The following PHKG1 variants were observed in gnomAD, a reference collection of about 807,000 sequenced individuals.
The protein encoded by PHKG1 is phosphorylase kinase catalytic subunit gamma 1.
In PHKG1, 48 loss-of-function variants were observed where a neutral mutation model predicts 50.5. The ratio of observed to expected loss-of-function variants is 0.95; its 90% confidence interval spans 0.75 to 1.21. PHKG1 has a LOEUF of 1.21. Ranked by LOEUF, PHKG1 falls within the 50% of genes most tolerant of loss-of-function variation. PHKG1 has a pLI of 0.00. For synonymous variants in PHKG1, 204 were observed against 212.8 expected (o/e 0.96, Z 0.36); for missense variants, 487 against 519.5 (o/e 0.94, Z 0.61).
chr7:56,081,425 T>C lies in PHKG1; in HGVS notation c.919-126A>G. ...GGTGGCTTCTGCGGGGCCTTCCTAGTGTCCCCCACTTCCCACTTGGCCAGC... is the reference window on the plus strand; with the variant it reads ...GGTGGCTTCTGCGGGGCCTTCCTAGCGTCCCCCACTTCCCACTTGGCCAGC... On this transcript the variant is annotated intron_variant, in intron 9 of 9. Coordinates refer to ENST00000297373, the MANE Select transcript of PHKG1 (RefSeq NM_006213.5). The surrounding 1 kb of genome is among the most constrained non-coding windows in gnomAD (Gnocchi z 4.6). 2 of 1,313,742 alleles carry C rather than the reference T, an allele frequency of 1.5e-6. No individual in the cohort carries two copies. The highest frequency in any genetic ancestry group is 2.5e-5 in the East Asian group (1 of 40,752). The allele number at this position is 1,313,742 out of a possible 1,614,324, so 81.4% of individuals were successfully genotyped here. A position where few individuals can be genotyped will look rare whatever the true frequency, so the allele number is the denominator to read the frequency against.
chr7:56,090,656 C>T (rs988153038), intron 1 of PHKG1, among the ~76,000 whole-genome samples: 1 of 152,188 alleles, frequency 6.6e-6, no homozygotes, highest in African/African-American at 2.4e-5. Context: ...CTCTGCCCCC[C>T]ATACCCAGTG....
intron 1 of PHKG1, among the ~76,000 whole-genome samples, chr7:56,092,187 C>T (rs1796515058): frequency 6.6e-6 from 1 of 152,182 alleles, no homozygotes. Flanking sequence ...CTGACTGGGG[C>T]CAACTTTGTG....
intron 1 of PHKG1, 108 bp from the exon 2 acceptor site, chr7:56,089,083 G>C (rs188415969): frequency 5.4e-4 from 321 of 597,126 alleles, no homozygotes; most frequent in African/African-American, 5.0e-3. Context: ...GCACTACACT[G>C]GCCTATAGTG....
At position 56,081,813 on chromosome 7, in the gene PHKG1, A is replaced by C; in HGVS notation, c.793-58T>G. ...CAAGGCAGGTCCCCTCCAGCATGTCAGGAAAGGCAGGGCCTCCCCGGGCAG... is the reference window on the plus strand; with the variant it reads ...CAAGGCAGGTCCCCTCCAGCATGTCCGGAAAGGCAGGGCCTCCCCGGGCAG... On this transcript the variant is annotated intron_variant, in intron 8 of 9. Coordinates refer to ENST00000297373, the MANE Select transcript of PHKG1 (RefSeq NM_006213.5). The surrounding 1 kb of genome is among the most constrained non-coding windows in gnomAD (Gnocchi z 4.6). 1 of 1,608,306 alleles carries C rather than the reference A, an allele frequency of 6.2e-7. No individual in the cohort carries two copies. The highest frequency in any genetic ancestry group is 8.5e-7 in the Non-Finnish European group (1 of 1,176,454).
Position 56,081,414 on chromosome 7 carries a change from G to T in PHKG1, c.919-115C>A. ...ACGAAGCCTTGGGTGGCTTCTGCGG[G>T]GCCTTCCTAGTGTCCCCCACTTCCC... On this transcript the variant is annotated intron_variant, in intron 9 of 9. Coordinates refer to ENST00000297373, the MANE Select transcript of PHKG1 (RefSeq NM_006213.5). The surrounding 1 kb of genome is among the most constrained non-coding windows in gnomAD (Gnocchi z 4.6). 1 of 1,380,026 alleles carries T rather than the reference G, an allele frequency of 7.2e-7. No individual in the cohort carries two copies. Among genetic ancestry groups the T allele is most frequent in the Non-Finnish European group, 9.7e-7 (1 of 1,029,658 alleles). The allele number at this position is 1,380,026 out of a possible 1,614,324, so 85.5% of individuals were successfully genotyped here.
chr7:56,082,961 C>T (rs1385747388), intron 6 of PHKG1, among the ~76,000 whole-genome samples: 1 of 152,018 alleles, frequency 6.6e-6, no homozygotes, highest in Non-Finnish European at 1.5e-5. Context: ...CAAAAATTAG[C>T]CGAGCGTTGT....
intron 4 of PHKG1, chr7:56,084,208 T>C: frequency 6.5e-7 from 1 of 1,534,632 alleles, no homozygotes; most frequent in Non-Finnish European, 8.7e-7. Context: ...CCAAGCACCA[T>C]TTCTGTTCCA....
In PHKG1 at chr7:56,084,680, C is replaced by T. The variant is rs1796179318; in HGVS notation, c.318-965G>A. On this transcript the variant is annotated intron_variant, in intron 4 of 9. Coordinates refer to ENST00000297373, the MANE Select transcript of PHKG1 (RefSeq NM_006213.5). ...GAGCCACCACGCCTGGCCGAGTATC[C>T]CGATTTTTTCCCAGGAAACAAATGG... Among the ~76,000 whole-genome samples, 4 of 151,884 alleles carry T rather than the reference C, an allele frequency of 2.6e-5. No homozygotes were observed. In the South Asian group the frequency reaches 8.3e-4, roughly 31 times the overall value.
intron 2 of PHKG1, 120 bp downstream of exon 2, chr7:56,088,739 G>C: frequency 1.5e-6 from 1 of 653,650 alleles, no homozygotes. Context: ...GTTTCTCCAA[G>C]TGAACAGCAC....
intron 2 of PHKG1, among the ~76,000 whole-genome samples, chr7:56,088,356 A>T (rs35679271): frequency 0.02 from 2,956 of 146,512 alleles, 58 homozygotes; most frequent in Admixed American, 0.052. Flanking sequence ...CCCCCTTTTT[A>T]AAAAAAAAAA....
chr7:56,087,037 T>TG lies in PHKG1; in HGVS notation c.263-14dup, dbSNP rs1562880317. ...TCCTTCAGCTGTACTGAAATGGAAATGGCTAGCTTGTCTCAAGTAGCAGGG... is the reference window on the plus strand; with the variant it reads ...TCCTTCAGCTGTACTGAAATGGAAATGGGCTAGCTTGTCTCAAGTAGCAGGG... On this transcript the variant is annotated splice_polypyrimidine_tract_variant and intron_variant, in intron 3 of 9. Transcript: ENST00000297373. 3.1e-6 allele frequency: 5 copies of TG among 1,610,968 alleles called. No homozygotes were observed. Among genetic ancestry groups the TG allele is most frequent in the Non-Finnish European group, 3.4e-6 (4 of 1,177,820 alleles).
chr7:56,090,094 T>C (rs1380843510), intron 1 of PHKG1, among the ~76,000 whole-genome samples: 2 of 151,998 alleles, frequency 1.3e-5, no homozygotes, highest in African/African-American at 4.8e-5. Context: ...CTTCCTCATG[T>C]TTTTTTGTTT....
intron 2 of PHKG1, 87 bp downstream of exon 2, chr7:56,088,772 G>T: frequency 1.2e-6 from 1 of 841,180 alleles, no homozygotes. Flanking sequence ...AGTGGCGTTA[G>T]TACTCGGGGT....
chr7:56,084,237 C>T, intron 4 of PHKG1: 2 of 1,526,548 alleles, frequency 1.3e-6, no homozygotes, highest in Middle Eastern at 1.7e-4. Flanking sequence ...GTATCAGTGT[C>T]TTCCCATCTG....
chr7:56,081,225 C>A lies in PHKG1; in HGVS notation c.993G>T (p.Glu331Asp). The A allele has an allele frequency of 6.2e-7, 1 of 1,613,764 alleles. No homozygotes were observed. Among genetic ancestry groups the A allele is most frequent in the Non-Finnish European group, 8.5e-7 (1 of 1,179,968 alleles). ...GGGCATAGGGGTCTCGGATGACGATCTCCCGGGTCACAGGCTTCACCCGGC... is the reference window on the plus strand; with the variant it reads ...GGGCATAGGGGTCTCGGATGACGATATCCCGGGTCACAGGCTTCACCCGGC... ...QYRRVKPVTREIVIRDPYALR... is the reference protein window; with the variant it reads ...QYRRVKPVTRDIVIRDPYALR... The change falls in exon 10 of 10, where the codon GAG (glutamate) becomes GAT (aspartate). Residue 331 changes from glutamate to aspartate, a missense_variant. Physicochemically the swap from Glu to Asp is conservative, Grantham distance 45. Coordinates refer to ENST00000297373, the MANE Select transcript of PHKG1 (RefSeq NM_006213.5). This position sits in a 1 kb window ranked among gnomAD's most constrained non-coding sequence, Gnocchi z 4.6.
chr7:56,084,097 G>T, intron 4 of PHKG1: 1 of 1,005,430 alleles, frequency 9.9e-7, no homozygotes, highest in South Asian at 1.4e-5. Context: ...AGGATGGCTA[G>T]AAGTGACCAG....
rs569927582 is a variant in PHKG1, at chr7:56,085,263, A to C, written c.318-1548T>G. Among the ~76,000 whole-genome samples the C allele has an allele frequency of 4.0e-5, 6 of 151,556 alleles. No individual in the cohort carries two copies. In the South Asian group the frequency reaches 1.3e-3, roughly 32 times the overall value. On this transcript the variant is annotated intron_variant, in intron 4 of 9. Transcript: ENST00000297373. Reference sequence around the variant, plus strand: ...GGGGTGAACCACCATGCCTGGCCTTAATTTTATATTTTTTTGTAGAGATGG... The same window carrying C: ...GGGGTGAACCACCATGCCTGGCCTTCATTTTATATTTTTTTGTAGAGATGG...
intron 4 of PHKG1, chr7:56,084,105 C>T: frequency 9.2e-7 from 1 of 1,087,398 alleles, no homozygotes; most frequent in Non-Finnish European, 1.4e-6. Context: ...TAGAAGTGAC[C>T]AGGGAAGCAA....
chr7:56,085,309 G>T (rs1796206325), intron 4 of PHKG1, among the ~76,000 whole-genome samples: 1 of 152,066 alleles, frequency 6.6e-6, no homozygotes, highest in African/African-American at 2.4e-5. Context: ...TGTTGCCCAG[G>T]CTGGTCTCAA....
Sources: allele counts gnomAD v4.1 joint callset (sites outside exome capture counted in the v4.1 genomes callset), GRCh38; gene constraint gnomAD v4.1.1; non-coding constraint Gnocchi (gnomAD v3.1); transcripts MANE v1.5; gene names NCBI Gene and HGNC (gene_info 2026-07-23, HGNC 2026-07-21).